KCNQ1: variants seen among roughly 807,000 people sequenced by gnomAD.
KCNQ1 encodes the protein potassium voltage-gated channel subfamily KQT member 1.
A neutral mutation model predicts 72.4 loss-of-function variants in KCNQ1; 49 were observed. That is an observed-to-expected ratio of 0.68 (90% CI 0.54 to 0.86). The LOEUF is 0.86. KCNQ1 is among the 40% of genes least tolerant of loss of function. The pLI, the probability that KCNQ1 is intolerant of heterozygous loss-of-function variation, is 0.00. For synonymous variants in KCNQ1, 450 were observed against 412.6 expected (o/e 1.09, Z -1.10); for missense variants, 790 against 945.1 (o/e 0.84, Z 2.15).
chr11:2,581,508 C>T (rs1195345093), intron 6 of KCNQ1, among the ~76,000 whole-genome samples: 2 of 152,244 alleles, frequency 1.3e-5, no homozygotes, highest in Non-Finnish European at 2.9e-5. Context: ...CCCAGGGCCC[C>T]CCTCTCTGCC....
In KCNQ1 at chr11:2,644,620, C is replaced by G. The variant is rs1323944012; in HGVS notation, c.1394-17341C>G. Reference sequence around the variant, plus strand: ...TAGGAGTTGTCATGTTTTGCCTTTTCATGTTTCTTGTGTGCTTACACTGGT... The same window carrying G: ...TAGGAGTTGTCATGTTTTGCCTTTTGATGTTTCTTGTGTGCTTACACTGGT... On this transcript the variant is annotated intron_variant, in intron 10 of 15. Transcript: ENST00000155840. The G allele has an allele frequency of 1.0e-5, 4 of 398,372 alleles. No homozygotes were observed. In the Admixed American group the frequency reaches 1.8e-4, roughly 18 times the overall value. 24.7% of individuals were successfully genotyped at this position (398,372 alleles called of 1,614,324 possible).
intron 1 of KCNQ1, chr11:2,461,555 T>C (rs775283235): frequency 7.4e-7 from 1 of 1,352,338 alleles, no homozygotes; most frequent in Non-Finnish European, 9.8e-7. Flanking sequence ...GTGCCGGGCC[T>C]GGATTTACTC....
chr11:2,650,951 AC>A, intron 10 of KCNQ1: 1 of 397,238 alleles, frequency 2.5e-6, no homozygotes, highest in Middle Eastern at 6.3e-4. Context: ...TTTTCTTAGT[AC>A]CCCTTTCTAA....
At chr11:2,615,516 TTAAGTA>T (rs1297896716) in intron 10 of KCNQ1, 1 of 397,884 alleles carries the variant, frequency 2.5e-6, no homozygotes, top group Non-Finnish European at 4.4e-6. Context: ...TTTTTTCTCA[TTAAGTA>T]TATTAGTTGT....
intron 11 of KCNQ1, chr11:2,686,366 C>G (rs1449322687): frequency 2.5e-6 from 1 of 398,582 alleles, no homozygotes; most frequent in Non-Finnish European, 4.4e-6. Flanking sequence ...CTCACTTGGG[C>G]TTATCAGCAG....
chr11:2,571,235 C>A, intron 3 of KCNQ1, 90 bp from the exon 4 acceptor site: 1 of 1,095,776 alleles, frequency 9.1e-7, no homozygotes, highest in Non-Finnish European at 1.4e-6. Context: ...CCAGCAAGCC[C>A]CTTCCCCAGA....
intron 11 of KCNQ1, among the ~76,000 whole-genome samples, chr11:2,743,172 T>C (rs1161232135): frequency 6.6e-6 from 1 of 152,086 alleles, no homozygotes; most frequent in Non-Finnish European, 1.5e-5. Context: ...GAAGGGGCAT[T>C]CCCAGAAATC....
In KCNQ1 at chr11:2,541,749, A is replaced by C. The variant is rs975106083; in HGVS notation, c.477+13731A>C. On this transcript the variant is annotated intron_variant, in intron 2 of 15. Transcript: ENST00000155840. This position sits in a 1 kb window ranked among gnomAD's most constrained non-coding sequence, Gnocchi z 4.8. ...GAGGACATCTGTTAGACCACTTAGG[A>C]GTTCTAGAACCTTTGGAAAACCCCC... is the stretch of plus-strand genomic sequence containing the variant. Among the ~76,000 whole-genome samples, 2 of 148,314 alleles carry C rather than the reference A, an allele frequency of 1.3e-5. No individual in the cohort carries two copies. The highest frequency in any genetic ancestry group is 2.5e-5 in the African/African-American group (1 of 39,712).
At position 2,598,531 on chromosome 11, in the gene KCNQ1, AC is replaced by A. The variant is rs1335447630; in HGVS notation, c.1393+9678del. 6.6e-6 allele frequency among the ~76,000 whole-genome samples: 1 copy of A among 152,044 alleles called. No individual in the cohort carries two copies. The highest frequency in any genetic ancestry group is 1.5e-5 in the Non-Finnish European group (1 of 68,018). On this transcript the variant is annotated intron_variant, in intron 10 of 15. Coordinates refer to ENST00000155840, the MANE Select transcript of KCNQ1 (RefSeq NM_000218.3). This position sits in a 1 kb window ranked among gnomAD's most constrained non-coding sequence, Gnocchi z 6.2. ...CACAAAGTTTTATTTGTATACATGG[AC>A]AGACAAAATGTACATTGAGATGGAT... is the stretch of plus-strand genomic sequence containing the variant.
rs992810748 is a variant in KCNQ1, at chr11:2,613,970, C to T, written c.1393+25116C>T. 6 of 398,498 alleles carry T rather than the reference C, an allele frequency of 1.5e-5. No individual in the cohort carries two copies. Among genetic ancestry groups the T allele is most frequent in the Admixed American group, 8.8e-5 (2 of 22,714 alleles). 24.7% of individuals were successfully genotyped at this position (398,498 alleles called of 1,614,324 possible). On this transcript the variant is annotated intron_variant, in intron 10 of 15. Transcript: ENST00000155840. The surrounding 1 kb of genome is among the most constrained non-coding windows in gnomAD (Gnocchi z 4.8). Reference sequence around the variant, plus strand: ...ACCTAACAACATCTCCTAGAAATCACTCAACATCCATTCACAGAGATCTTT... The same window carrying T: ...ACCTAACAACATCTCCTAGAAATCATTCAACATCCATTCACAGAGATCTTT...
rs893271126 is a variant in KCNQ1 at position 2,464,698 on chromosome 11, G to T, written c.386+19214G>T. Among the ~76,000 whole-genome samples, 1 of 152,156 alleles carries T rather than the reference G, an allele frequency of 6.6e-6. No individual in the cohort carries two copies. Among genetic ancestry groups the T allele is most frequent in the Non-Finnish European group, 1.5e-5 (1 of 68,016 alleles). ...TTCTCTCAGGGGCCAGGATTACATG[G>T]TCCGTGTTGGACTCTGGGATGCTGG... On this transcript the variant is annotated intron_variant, in intron 1 of 15. Transcript: ENST00000155840. The surrounding 1 kb of genome is among the most constrained non-coding windows in gnomAD (Gnocchi z 5.0).
At chr11:2,689,008 G>A (rs3889336) in intron 11 of KCNQ1, 1 of 398,624 alleles carries the variant, frequency 2.5e-6, no homozygotes, top group Non-Finnish European at 4.4e-6. Context: ...CAGGTCCCTG[G>A]GTTGGAATCC....
chr11:2,585,930 C>A (rs1226620303), intron 8 of KCNQ1, among the ~76,000 whole-genome samples: 1 of 152,200 alleles, frequency 6.6e-6, no homozygotes, highest in Non-Finnish European at 1.5e-5. Context: ...TCACTCCAGG[C>A]TCTCCAGGAC....
chr11:2,676,272 G>A lies in KCNQ1; in HGVS notation c.1514+14191G>A, dbSNP rs1159199211. On this transcript the variant is annotated intron_variant, in intron 11 of 15. Transcript: ENST00000155840. The surrounding 1 kb of genome is among the most constrained non-coding windows in gnomAD (Gnocchi z 4.2). ...CTGAGAAGCATTTTTATTGCAAAAT[G>A]TGTGTTTACATGTATACAGACACAC... 7.5e-6 allele frequency: 3 copies of A among 398,524 alleles called. No homozygotes were observed. The highest frequency in any genetic ancestry group is 1.3e-5 in the Non-Finnish European group (3 of 226,082). The allele number at this position is 398,524 out of a possible 1,614,324, so 24.7% of individuals were successfully genotyped here. A position where few individuals can be genotyped will look rare whatever the true frequency, so the allele number is the denominator to read the frequency against.
rs894642826 is a variant in KCNQ1, at chr11:2,645,940, C to G, written c.1394-16021C>G. ...TCTGTAGGTAGCCTCTTGTTAGTCT[C>G]AAGGCATCTATGGGTCAGGGGGTTC... is the stretch of plus-strand genomic sequence containing the variant. On this transcript the variant is annotated intron_variant, in intron 10 of 15. Coordinates refer to ENST00000155840, the MANE Select transcript of KCNQ1 (RefSeq NM_000218.3). The surrounding 1 kb of genome is among the most constrained non-coding windows in gnomAD (Gnocchi z 5.8). 1.8e-5 allele frequency: 7 copies of G among 398,478 alleles called. No homozygotes were observed. The highest frequency in any genetic ancestry group is 2.7e-5 in the Non-Finnish European group (6 of 226,084). The allele number at this position is 398,478 out of a possible 1,614,324, so 24.7% of individuals were successfully genotyped here.
intron 1 of KCNQ1, among the ~76,000 whole-genome samples, chr11:2,524,870 G>A (rs530874603): frequency 6.6e-6 from 1 of 152,276 alleles, no homozygotes; most frequent in South Asian, 2.1e-4. Flanking sequence ...TGGTGCCCTG[G>A]CCCTCTCTGC....
At chr11:2,667,801 G>A (rs1021772505) in intron 11 of KCNQ1, 9 of 398,576 alleles carry the variant, frequency 2.3e-5, no homozygotes, top group Non-Finnish European at 3.5e-5. Context: ...GGCTCACCTG[G>A]GCTACCCTGG....
At position 2,695,234 on chromosome 11, in the gene KCNQ1, T is replaced by G; in HGVS notation, c.1514+33153T>G. 1 of 398,656 alleles carries G rather than the reference T, an allele frequency of 2.5e-6. No homozygotes were observed. 24.7% of individuals were successfully genotyped at this position (398,656 alleles called of 1,614,324 possible). ...AAGGGTCTGCATAAAGTCACCGCTCTCTTCCTCTCCATGCTTTTCCACTTC... is the reference window on the plus strand; with the variant it reads ...AAGGGTCTGCATAAAGTCACCGCTCGCTTCCTCTCCATGCTTTTCCACTTC... On this transcript the variant is annotated intron_variant, in intron 11 of 15. Transcript: ENST00000155840. This position sits in a 1 kb window ranked among gnomAD's most constrained non-coding sequence, Gnocchi z 5.2.
Position 2,690,967 on chromosome 11 carries a change from T to C in KCNQ1, c.1514+28886T>C. ...TTCATTTGGGAGTCACGGGTATGTG[T>C]CAACAAAAGCCCACCAGACCATCAA... is the stretch of plus-strand genomic sequence containing the variant. On this transcript the variant is annotated intron_variant, in intron 11 of 15. Coordinates refer to ENST00000155840, the MANE Select transcript of KCNQ1 (RefSeq NM_000218.3). This position sits in a 1 kb window ranked among gnomAD's most constrained non-coding sequence, Gnocchi z 5.1. The C allele has an allele frequency of 5.0e-6, 2 of 398,638 alleles. No individual in the cohort carries two copies. The highest frequency in any genetic ancestry group is 8.8e-6 in the Non-Finnish European group (2 of 226,072). 24.7% of individuals were successfully genotyped at this position (398,638 alleles called of 1,614,324 possible).
Sources: allele counts gnomAD v4.1 joint callset (sites outside exome capture counted in the v4.1 genomes callset), GRCh38; gene constraint gnomAD v4.1.1; non-coding constraint Gnocchi (gnomAD v3.1); transcripts MANE v1.5; gene names NCBI Gene and HGNC (gene_info 2026-07-23, HGNC 2026-07-21).